Variants in PTK7 observed in about 807,000 individuals in gnomAD.
PTK7 encodes the protein inactive tyrosine-protein kinase 7.
Under a neutral mutation model 116.6 loss-of-function variants are expected in PTK7, and 39 were observed. The observed-to-expected ratio is 0.33, with a 90% CI of 0.26 to 0.44. The LOEUF (loss-of-function observed/expected upper bound fraction) is 0.44. Among genes scored for constraint, PTK7 ranks in the 20% least tolerant of loss-of-function variants. The probability of loss-of-function intolerance (pLI) is 1.00; values close to 1 mark genes in which losing one functional copy is unlikely to be tolerated. For missense variants in PTK7, 1,169 were observed against 1,425.6 expected (o/e 0.82, Z 2.90); for synonymous variants, 546 against 563.6 (o/e 0.97, Z 0.44).
intron 7 of PTK7, among the ~76,000 whole-genome samples, chr6:43,136,769 G>A (rs1770066171): frequency 6.6e-6 from 1 of 152,148 alleles, no homozygotes. Flanking sequence ...AGGAGGCCAA[G>A]GTGGGAGGAC....
At chr6:43,116,600 TG>T (rs1164700885) in intron 1 of PTK7, among the ~76,000 whole-genome samples, 3 of 135,222 alleles carry the variant, frequency 2.2e-5, no homozygotes, top group African/African-American at 6.0e-5. Flanking sequence ...CAGGAAAAGC[TG>T]GTTTGTGTGT....
chr6:43,112,928 A>C (rs1240749077), intron 1 of PTK7, among the ~76,000 whole-genome samples: 2 of 152,132 alleles, frequency 1.3e-5, no homozygotes, highest in Non-Finnish European at 2.9e-5. Flanking sequence ...TCCTGGGCCT[A>C]TGTGATCCTC....
chr6:43,109,488 G>A (rs1768072756), intron 1 of PTK7, among the ~76,000 whole-genome samples: 1 of 152,080 alleles, frequency 6.6e-6, no homozygotes, highest in Non-Finnish European at 1.5e-5. Context: ...AAGGAGAAAG[G>A]ACATAAATTT....
chr6:43,157,356 ATATATATATTTTTTTTTTTC>A (rs1431054620), intron 17 of PTK7, among the ~76,000 whole-genome samples: 209 of 3,184 alleles, frequency 0.066, 8 homozygotes, highest in African/African-American at 0.16. Context: ...ATATATATAT[ATATATATATTTTTTTTTTTC>A]TTTTTTTTTT....
Position 43,129,588 on chromosome 6 carries a change from G to C in PTK7, c.368-139G>C. ...TTAGTATCTGGTAACTGTAGCCCCAGCCTCAGCCTCCAGGGCTTCCTTGTG... is the reference window on the plus strand; with the variant it reads ...TTAGTATCTGGTAACTGTAGCCCCACCCTCAGCCTCCAGGGCTTCCTTGTG... On this transcript the variant is annotated intron_variant, in intron 2 of 19. Coordinates refer to ENST00000230419, the MANE Select transcript of PTK7 (RefSeq NM_002821.5). The surrounding 1 kb of genome is among the most constrained non-coding windows in gnomAD (Gnocchi z 4.5). 3.9e-6 allele frequency: 3 copies of C among 763,722 alleles called. No homozygotes were observed. Among genetic ancestry groups the C allele is most frequent in the Non-Finnish European group, 6.5e-6 (3 of 464,592 alleles). The allele number at this position is 763,722 out of a possible 1,614,324, so 47.3% of individuals were successfully genotyped here.
At chr6:43,096,183 C>A (rs962662840) in intron 1 of PTK7, among the ~76,000 whole-genome samples, 1 of 152,156 alleles carries the variant, frequency 6.6e-6, no homozygotes, top group Non-Finnish European at 1.5e-5. Flanking sequence ...ATCTCAGCCT[C>A]GGGGAGAGGT....
intron 17 of PTK7, among the ~76,000 whole-genome samples, chr6:43,149,388 G>T (rs1189225073): frequency 6.6e-6 from 1 of 151,944 alleles, no homozygotes; most frequent in Admixed American, 6.6e-5. Flanking sequence ...AAAAAAAAAA[G>T]ATTTCTGGAC....
chr6:43,144,662 T>G, intron 15 of PTK7, 56 bp downstream of exon 15: 1 of 1,558,294 alleles, frequency 6.4e-7, no homozygotes, highest in Non-Finnish European at 8.7e-7. Flanking sequence ...CCGCTGTGTC[T>G]TGAGGCTGGG....
In PTK7 at chr6:43,143,352, T is replaced by G. The variant is rs1770529664; in HGVS notation, c.2048-65T>G. ...CCCTGTTGATGGGGTTGGGAGGAGT[T>G]AGTAGAGAAGCAGGGCTTCTTTTGC... On this transcript the variant is annotated intron_variant, in intron 13 of 19. Coordinates refer to ENST00000230419, the MANE Select transcript of PTK7 (RefSeq NM_002821.5). The surrounding 1 kb of genome is among the most constrained non-coding windows in gnomAD (Gnocchi z 4.2). 1.5e-5 allele frequency: 22 copies of G among 1,511,124 alleles called. No individual in the cohort carries two copies. The highest frequency in any genetic ancestry group is 1.8e-5 in the Non-Finnish European group (20 of 1,102,184). 93.6% of individuals were successfully genotyped at this position (1,511,124 alleles called of 1,614,324 possible).
At chr6:43,081,676 A>G (rs1766388001) in intron 1 of PTK7, among the ~76,000 whole-genome samples, 2 of 152,122 alleles carry the variant, frequency 1.3e-5, no homozygotes, top group Admixed American at 1.3e-4. Flanking sequence ...AAGTGCTGGG[A>G]TTACAGGCGT....
rs778843789 is a variant in PTK7 at position 43,159,987 on chromosome 6, G to C, written c.3052+21G>C. ...GGCAGGTAGGCAGCCTTGCTGCTAG[G>C]GGATGATTCCAGATGGGCCCCAGAT... On this transcript the variant is annotated intron_variant, in intron 19 of 19. Transcript: ENST00000230419. 7 of 1,606,340 alleles carry C rather than the reference G, an allele frequency of 4.4e-6. No homozygotes were observed. The East Asian group carries it at 1.6e-4, about 36-fold the overall frequency.
At chr6:43,111,424 A>G (rs1168442955) in intron 1 of PTK7, among the ~76,000 whole-genome samples, 1 of 152,176 alleles carries the variant, frequency 6.6e-6, no homozygotes, top group Non-Finnish European at 1.5e-5. Context: ...GCATCTCCAA[A>G]TGGTCTGTGT....
In PTK7 at chr6:43,139,984, C is replaced by T. The variant is rs936764480; in HGVS notation, c.1618+459C>T. 6.6e-6 allele frequency among the ~76,000 whole-genome samples: 1 copy of T among 152,118 alleles called. No individual in the cohort carries two copies. The highest frequency in any genetic ancestry group is 2.4e-5 in the African/African-American group (1 of 41,436). On this transcript the variant is annotated intron_variant, in intron 10 of 19. Coordinates refer to ENST00000230419, the MANE Select transcript of PTK7 (RefSeq NM_002821.5). The surrounding 1 kb of genome is among the most constrained non-coding windows in gnomAD (Gnocchi z 4.6). Reference sequence around the variant, plus strand: ...CAAAAGTTAGCCAGGCGTGGTGGCACATGCTTGCAATCCCAGCTGCTTAGG... The same window carrying T: ...CAAAAGTTAGCCAGGCGTGGTGGCATATGCTTGCAATCCCAGCTGCTTAGG...
chr6:43,138,844 T>C lies in PTK7; in HGVS notation c.1229-5T>C. 1 of 1,609,708 alleles carries C rather than the reference T, an allele frequency of 6.2e-7. No homozygotes were observed. The highest frequency in any genetic ancestry group is 8.5e-7 in the Non-Finnish European group (1 of 1,177,928). ...GCCTTCACTGTTTCCTTCCTGTCTG[T>C]CTAGCTGTGCCCTCCTGGCTGAAGA... On this transcript the variant is annotated splice_polypyrimidine_tract_variant and splice_region_variant and intron_variant, in intron 7 of 19. Transcript: ENST00000230419.
chr6:43,160,854 A>C lies in PTK7; in HGVS notation c.3186A>C (p.Gly1062=). ...TCAGTGAGATTGCCAGCGCCCTGGGAGACAGCACCGTGGACAGCAAGCCGT... is the reference window on the plus strand; with the variant it reads ...TCAGTGAGATTGCCAGCGCCCTGGGCGACAGCACCGTGGACAGCAAGCCGT... The part of the protein sequence containing the change: ...PSFSEIASAL[G]DSTVDSKP Residue 1062 remains glycine, a synonymous_variant, in exon 20 of 20, where the codon GGA becomes GGC. Transcript: ENST00000230419. The C allele has an allele frequency of 6.2e-7, 1 of 1,614,032 alleles. No homozygotes were observed. The highest frequency in any genetic ancestry group is 8.5e-7 in the Non-Finnish European group (1 of 1,180,030).
intron 7 of PTK7, among the ~76,000 whole-genome samples, chr6:43,134,564 G>C (rs577162414): frequency 6.6e-6 from 1 of 151,874 alleles, no homozygotes; most frequent in East Asian, 2.0e-4. Context: ...GGTGGATCAC[G>C]AGGTCAGGAG....
chr6:43,106,545 C>T (rs1042470061), intron 1 of PTK7, among the ~76,000 whole-genome samples: 1 of 151,980 alleles, frequency 6.6e-6, no homozygotes, highest in Non-Finnish European at 1.5e-5. Flanking sequence ...CCTCGACCTC[C>T]CAGAATGCTC....
intron 1 of PTK7, among the ~76,000 whole-genome samples, chr6:43,119,260 AT>A (rs2150413718): frequency 6.6e-6 from 1 of 152,258 alleles, no homozygotes; most frequent in East Asian, 1.9e-4. Flanking sequence ...AGCCTGGATT[AT>A]TAGTCTCCTA....
chr6:43,144,771 T>G, intron 15 of PTK7, 165 bp downstream of exon 15: 1 of 746,706 alleles, frequency 1.3e-6, no homozygotes, highest in Middle Eastern at 2.9e-4. Context: ...AGCCTGTTAT[T>G]CACTGCCCTT....
Sources: gnomAD v4.1 joint callset for allele counts (sites outside exome capture counted in the v4.1 genomes callset) on GRCh38, gnomAD v4.1.1 for gene constraint, Gnocchi (gnomAD v3.1) non-coding constraint, MANE v1.5 for transcripts, NCBI Gene and HGNC (gene_info 2026-07-23, HGNC 2026-07-21) for gene names.